Variants in FTCDNL1 observed in about 807,000 individuals in gnomAD.
FTCDNL1 encodes formiminotransferase cyclodeaminase N-terminal like, also known as formiminotransferase N-terminal subdomain-containing protein.
A neutral mutation model predicts 5.9 loss-of-function variants in FTCDNL1; 11 were observed. The ratio of observed to expected loss-of-function variants is 1.87; its 90% CI spans 1.18 to 3.10. FTCDNL1 has a LOEUF of 3.10. FTCDNL1 is among the 30% of genes most tolerant of loss of function. The pLI is 0.00. For synonymous variants in FTCDNL1, 58 were observed against 24.8 expected (o/e 2.34, Z -3.99); for missense variants, 115 against 65.5 (o/e 1.76, Z -2.61).
the FTCDNL1 span, among the ~76,000 whole-genome samples, chr2:199,733,720 T>C: frequency 2.0e-5 from 3 of 152,300 alleles, no homozygotes; most frequent in African/African-American, 7.2e-5. Context: ...CAAAATGTGG[T>C]CCGCAGATCT....
intron 3 of FTCDNL1, among the ~76,000 whole-genome samples, chr2:199,768,797 A>G (rs1280837892): frequency 6.6e-6 from 1 of 152,166 alleles, no homozygotes; most frequent in South Asian, 2.1e-4. Flanking sequence ...AGGCTCCAGT[A>G]TTCCCTCCCT....
At chr2:199,792,409 C>T (rs1699977216) in intron 3 of FTCDNL1, among the ~76,000 whole-genome samples, 1 of 152,188 alleles carries the variant, frequency 6.6e-6, no homozygotes, top group Non-Finnish European at 1.5e-5. Flanking sequence ...GAGGATCCTT[C>T]CCTGACTCTG....
chr2:199,706,635 A>G, the FTCDNL1 span, among the ~76,000 whole-genome samples: 1 of 152,074 alleles, frequency 6.6e-6, no homozygotes, highest in Admixed American at 6.6e-5. Context: ...CAGGCCCCTG[A>G]CCAGATGGCA....
At chr2:199,778,808 T>C (rs1174008279) in intron 3 of FTCDNL1, among the ~76,000 whole-genome samples, 6 of 152,248 alleles carry the variant, frequency 3.9e-5, no homozygotes, top group Non-Finnish European at 7.3e-5. Flanking sequence ...TGCTTTATAG[T>C]TTCCTGAAAT....
At chr2:199,756,520 C>T (rs1399530593), downstream of FTCDNL1, among the ~76,000 whole-genome samples, 1 of 152,184 alleles carries the variant, frequency 6.6e-6, no homozygotes, top group Non-Finnish European at 1.5e-5. Context: ...TAATTTTTCA[C>T]ACTCTAAAGT....
chr2:199,781,580 T>C (rs1256126920), intron 3 of FTCDNL1, among the ~76,000 whole-genome samples: 1 of 152,130 alleles, frequency 6.6e-6, no homozygotes, highest in Non-Finnish European at 1.5e-5. Context: ...CATATCTCTT[T>C]AGAACTACAG....
At position 199,776,943 on chromosome 2, in the gene FTCDNL1, C is replaced by CACAG. The variant is rs1553537474; in HGVS notation, c.212-16109_212-16108insCTGT. Among the ~76,000 whole-genome samples the CACAG allele has an allele frequency of 1.6e-3, 230 of 146,502 alleles. 1 individual carries two copies. Among genetic ancestry groups the CACAG allele is most frequent in the African/African-American group, 5.6e-3 (220 of 39,450 alleles). On this transcript the variant is annotated intron_variant, in intron 3 of 3. Coordinates refer to the FTCDNL1 transcript ENST00000416668. ...ATATATATATACACACACACACACA[C>CACAG]AGAGATGTGTGTATATGTGTGTGTG...
At chr2:199,841,050 C>G (rs1347753) in intron 3 of FTCDNL1, among the ~76,000 whole-genome samples, 4,179 of 151,950 alleles carry the variant, frequency 0.028, 128 homozygotes, top group South Asian at 0.088. Flanking sequence ...ACTCAGCAGG[C>G]TGAGGTGGGA....
intron 1 of FTCDNL1, 77 bp from the exon 2 acceptor site, chr2:199,849,046 A>G: frequency 1.5e-6 from 1 of 653,084 alleles, no homozygotes; most frequent in East Asian, 2.7e-5. Flanking sequence ...AAAAATCATA[A>G]CTTTTTGGAA....
intron 3 of FTCDNL1, among the ~76,000 whole-genome samples, chr2:199,797,999 G>C (rs1700254656): frequency 6.6e-6 from 1 of 152,284 alleles, no homozygotes; most frequent in African/African-American, 2.4e-5. Flanking sequence ...AGTAAGTCAG[G>C]TGTTTGCATT....
intron 3 of FTCDNL1, among the ~76,000 whole-genome samples, chr2:199,777,546 A>T (rs1699154203): frequency 6.6e-6 from 1 of 152,148 alleles, no homozygotes; most frequent in African/African-American, 2.4e-5. Flanking sequence ...TGCTTTACTT[A>T]AAGTTGGCCG....
chr2:199,788,107 A>G (rs1574507899), intron 3 of FTCDNL1, among the ~76,000 whole-genome samples: 1 of 152,378 alleles, frequency 6.6e-6, no homozygotes, highest in Non-Finnish European at 1.5e-5. Flanking sequence ...GCTATAAGAA[A>G]AAGAACATAA....
chr2:199,819,293 C>A (rs957760310), intron 4 of FTCDNL1: 1 of 391,414 alleles, frequency 2.6e-6, no homozygotes, highest in African/African-American at 2.0e-5. Context: ...CCAGGAGCTA[C>A]GAGCATTCTT....
In FTCDNL1 at chr2:199,812,112, T is replaced by C. The variant is rs958836609; in HGVS notation, c.*593A>G. ...GTATTTTAAATTCTTCTAGTAAGCT[T>C]TAGTTACACAATATTTTTGTTTTAT... On this transcript the variant is annotated 3_prime_UTR_variant, in exon 5 of 5. Coordinates refer to ENST00000420128, the MANE Select transcript of FTCDNL1 (RefSeq NM_001363886.2). Among the ~76,000 whole-genome samples, 11 of 152,218 alleles carry C rather than the reference T, an allele frequency of 7.2e-5. No homozygotes were observed. Among genetic ancestry groups the C allele is most frequent in the Admixed American group, 6.5e-5 (1 of 15,274 alleles).
chr2:199,805,015 G>A (rs1227166381), downstream of FTCDNL1, among the ~76,000 whole-genome samples: 1 of 152,186 alleles, frequency 6.6e-6, no homozygotes, highest in Non-Finnish European at 1.5e-5. Context: ...GAGGAAGGTG[G>A]CACTGCCCAG....
At chr2:199,726,251 C>A in the FTCDNL1 span, among the ~76,000 whole-genome samples, 1 of 152,056 alleles carries the variant, frequency 6.6e-6, no homozygotes. Flanking sequence ...CATTTATGTT[C>A]CTCTCTAAAA....
chr2:199,681,822 G>A, the FTCDNL1 span, among the ~76,000 whole-genome samples: 11 of 152,142 alleles, frequency 7.2e-5, no homozygotes, highest in South Asian at 4.1e-4. Context: ...ATCATGTAGC[G>A]TCGTCATTCC....
chr2:199,830,336 T>C (rs1029901001), intron 3 of FTCDNL1, among the ~76,000 whole-genome samples: 2 of 152,124 alleles, frequency 1.3e-5, no homozygotes, highest in African/African-American at 4.8e-5. Flanking sequence ...CATTTGAAAA[T>C]ACAGTATAGC....
chr2:199,705,537 A>T, the FTCDNL1 span, among the ~76,000 whole-genome samples: 1 of 152,156 alleles, frequency 6.6e-6, no homozygotes. Context: ...CTTTATAATC[A>T]TCTGTAAATA....
Sources: gnomAD v4.1 joint callset for allele counts (sites outside exome capture counted in the v4.1 genomes callset) on GRCh38, gnomAD v4.1.1 for gene constraint, MANE v1.5 for transcripts, NCBI Gene and HGNC (gene_info 2026-07-23, HGNC 2026-07-21) for gene names.